Variants in SLC26A2 observed in about 807,000 individuals in gnomAD.
SLC26A2 encodes the protein solute carrier family 26 member 2.
In SLC26A2, 36 loss-of-function variants were observed where a neutral mutation model predicts 41.1. The ratio of observed to expected loss-of-function variants is 0.88; its 90% CI spans 0.67 to 1.16. The LOEUF (loss-of-function observed/expected upper bound fraction) is 1.16, where lower values mean the gene tolerates loss of function less well. Among genes scored for constraint, SLC26A2 ranks in the 50% most tolerant of loss-of-function variants. SLC26A2 has a pLI of 0.00. For synonymous variants in SLC26A2, 291 were observed against 311.6 expected, an observed-to-expected ratio of 0.93 and a Z score of 0.70; for missense variants, 796 against 869.6, an observed-to-expected ratio of 0.92 and a Z score of 1.07.
Position 149,981,241 on chromosome 5 carries a change from A to C in SLC26A2, c.1648A>C (p.Lys550Gln). The C allele has an allele frequency of 1.2e-6, 2 of 1,614,150 alleles. No individual in the cohort carries two copies. Among genetic ancestry groups the C allele is most frequent in the Non-Finnish European group, 1.7e-6 (2 of 1,180,012 alleles). Reference protein sequence around the residue: ...FCVILRTQKPKSSLLGLVEES... With the variant: ...FCVILRTQKPQSSLLGLVEES... ...TGTCATCCTCCGCACTCAGAAGCCA[A>C]AGAGTTCACTGCTTGGCTTGGTGGA... Residue 550 changes from lysine (K) to glutamine (Q), a missense_variant, in exon 3 of 3, where the codon AAG becomes CAG. Transcript: ENST00000286298.
intron 1 of SLC26A2, among the ~76,000 whole-genome samples, chr5:149,974,633 C>G (rs1324527866): frequency 6.6e-6 from 1 of 151,206 alleles, no homozygotes; most frequent in Non-Finnish European, 1.5e-5. Flanking sequence ...CCATGTTGGC[C>G]AGGATGGTCT....
At position 149,984,654 on chromosome 5, in the gene SLC26A2, C is replaced by T. The variant is rs1223223325; in HGVS notation, c.*2841C>T. On this transcript the variant is annotated 3_prime_UTR_variant, in exon 3 of 3. Transcript: ENST00000286298. ...CCAGCCTGGGTGACAGAGCGAGACT[C>T]CGTCTCAAACAAACAAACAAAAAAC... The T allele has an allele frequency of 6.6e-6, 1 of 152,236 alleles. No individual in the cohort carries two copies. The highest frequency in any genetic ancestry group is 1.9e-4 in the East Asian group (1 of 5,196). 9.4% of individuals were successfully genotyped at this position (152,236 alleles called of 1,614,324 possible).
In SLC26A2 at chr5:149,983,944, G is replaced by A. The variant is rs1007277394; in HGVS notation, c.*2131G>A. 6.6e-6 allele frequency: 1 copy of A among 152,166 alleles called. No homozygotes were observed. The allele number at this position is 152,166 out of a possible 1,614,324, so 9.4% of individuals were successfully genotyped here. ...GGCTTAAGTTGAGACTATTATAGGT[G>A]TCTAATAACCTGTGACAGAGTAATG... is the stretch of plus-strand genomic sequence containing the variant. On this transcript the variant is annotated 3_prime_UTR_variant, in exon 3 of 3. Coordinates refer to ENST00000286298, the MANE Select transcript of SLC26A2 (RefSeq NM_000112.4).
rs374692915 is a variant in SLC26A2, at chr5:149,981,722, A to G, written c.2129A>G (p.Tyr710Cys). ...CKKEEENLLF[Y>C]SVYEAMAFAE... ...AAGGAAGAAGAAAACCTTCTCTTCT[A>G]TAGTGTGTATGAAGCGATGGCTTTT... The change falls in exon 3 of 3, where the codon TAT becomes TGT. Residue 710 changes from tyrosine to cysteine, a missense_variant. Physicochemically the swap from Tyr to Cys is radical, Grantham distance 194. Coordinates refer to ENST00000286298, the MANE Select transcript of SLC26A2 (RefSeq NM_000112.4). 111 of 1,611,518 alleles carry G rather than the reference A, an allele frequency of 6.9e-5. No individual in the cohort carries two copies. The highest frequency in any genetic ancestry group is 9.0e-5 in the Non-Finnish European group (106 of 1,179,104).
At position 149,986,820 on chromosome 5, in the gene SLC26A2, C is replaced by G. The variant is rs1047953800; in HGVS notation, c.*5007C>G. ...ACTTATTTTGGAGATGTTCTCTTCC[C>G]TTATCTCATGCGTCATCCCTAAAAT... On this transcript the variant is annotated 3_prime_UTR_variant, in exon 3 of 3. Coordinates refer to ENST00000286298, the MANE Select transcript of SLC26A2 (RefSeq NM_000112.4). 5 of 152,164 alleles carry G rather than the reference C, an allele frequency of 3.3e-5. No individual in the cohort carries two copies. Among genetic ancestry groups the G allele is most frequent in the African/African-American group, 1.2e-4 (5 of 41,432 alleles). 9.4% of individuals were successfully genotyped at this position (152,164 alleles called of 1,614,324 possible).
At chr5:149,968,294 A>G (rs1181014928) in intron 1 of SLC26A2, among the ~76,000 whole-genome samples, 1 of 152,188 alleles carries the variant, frequency 6.6e-6, no homozygotes, top group Non-Finnish European at 1.5e-5. Context: ...TTACTAGGTC[A>G]TATAGCAGTG....
chr5:149,978,071 G>T lies in SLC26A2; in HGVS notation c.419G>T (p.Gly140Val). 6.2e-7 allele frequency: 1 copy of T among 1,610,154 alleles called. No individual in the cohort carries two copies. Among genetic ancestry groups the T allele is most frequent in the Non-Finnish European group, 8.5e-7 (1 of 1,177,844 alleles). The change falls in exon 2 of 3, where the codon GGT (glycine) becomes GTT (valine). Residue 140 changes from glycine to valine, a missense_variant. Gly to Val is a moderately radical substitution (Grantham distance 109, BLOSUM62 -3). Transcript: ENST00000286298. Reference protein sequence around the residue: ...SLLAGQEPVYGLYTSFFASII... With the variant: ...SLLAGQEPVYVLYTSFFASII... ...CTGGCTGGCCAAGAACCTGTCTATG[G>T]TCTGTACACATCTTTTTTTGCCAGC...
At chr5:149,966,211 C>CT (rs1754802817) in intron 1 of SLC26A2, among the ~76,000 whole-genome samples, 1 of 152,196 alleles carries the variant, frequency 6.6e-6, no homozygotes, top group Non-Finnish European at 1.5e-5. Flanking sequence ...CAGCTGAACT[C>CT]TTATTTCTTA....
chr5:149,975,018 A>T (rs1051518371), intron 1 of SLC26A2, among the ~76,000 whole-genome samples: 2 of 151,976 alleles, frequency 1.3e-5, no homozygotes, highest in African/African-American at 4.8e-5. Context: ...CTTGGCCATT[A>T]TATCTTGAAA....
chr5:149,971,788 T>C (rs1225138898), intron 1 of SLC26A2, among the ~76,000 whole-genome samples: 2 of 152,238 alleles, frequency 1.3e-5, no homozygotes, highest in Non-Finnish European at 2.9e-5. Context: ...GGAAAAAGAA[T>C]GAAATAATAT....
Position 149,978,301 on chromosome 5 carries a change from T to A in SLC26A2, c.649T>A (p.Tyr217Asn). The change falls in exon 2 of 3, where the codon TAT (tyrosine) becomes AAT (asparagine). Residue 217 changes from tyrosine (Y) to asparagine (N), a missense_variant. Transcript: ENST00000286298. ...TSDRICDKSC[Y>N]AIMVGSTVTF... The stretch of plus-strand genomic sequence containing the variant: ...AGACAGGATATGTGACAAAAGTTGC[T>A]ATGCAATTATGGTTGGCAGCACTGT... 1 of 1,614,004 alleles carries A rather than the reference T, an allele frequency of 6.2e-7. No individual in the cohort carries two copies. Among genetic ancestry groups the A allele is most frequent in the African/African-American group, 1.3e-5 (1 of 75,052 alleles).
intron 1 of SLC26A2, among the ~76,000 whole-genome samples, chr5:149,972,387 T>G (rs1754919219): frequency 6.6e-6 from 1 of 152,154 alleles, no homozygotes; most frequent in African/African-American, 2.4e-5. Flanking sequence ...GCCATGAATG[T>G]AGAGAAAGGG....
chr5:149,978,904 G>C (rs1296367495), intron 2 of SLC26A2, among the ~76,000 whole-genome samples: 1 of 151,318 alleles, frequency 6.6e-6, no homozygotes, highest in Non-Finnish European at 1.5e-5. Context: ...TTTTTGTAGA[G>C]ACAGGGTTTT....
chr5:149,968,396 C>G (rs1754842222), intron 1 of SLC26A2, among the ~76,000 whole-genome samples: 1 of 151,846 alleles, frequency 6.6e-6, no homozygotes, highest in Non-Finnish European at 1.5e-5. Context: ...AATGTATCAG[C>G]TGTTTTTTTT....
At chr5:149,978,383 A>G in intron 2 of SLC26A2, 32 bp downstream of exon 2, 2 of 1,492,256 alleles carry the variant, frequency 1.3e-6, no homozygotes, top group Non-Finnish European at 1.9e-6. Context: ...GGTTATTTCT[A>G]GAAAAGTAAT....
rs1253691463 is a variant in SLC26A2 at position 149,981,515 on chromosome 5, A to G, written c.1922A>G (p.His641Arg). 1.8e-5 allele frequency: 29 copies of G among 1,614,182 alleles called. No homozygotes were observed. Among genetic ancestry groups the G allele is most frequent in the Non-Finnish European group, 2.3e-5 (27 of 1,180,010 alleles). Residue 641 changes from histidine (H) to arginine (R), a missense_variant, in exon 3 of 3, where the codon CAT becomes CGT. Transcript: ENST00000286298. ...IQDEMSVQLSHDPLELHTIVI... is the reference protein window; with the variant it reads ...IQDEMSVQLSRDPLELHTIVI... Reference sequence around the variant, plus strand: ...GATGAAATGTCAGTGCAACTTTCCCATGATCCCTTGGAGCTGCATACTATA... The same window carrying G: ...GATGAAATGTCAGTGCAACTTTCCCGTGATCCCTTGGAGCTGCATACTATA...
intron 2 of SLC26A2, among the ~76,000 whole-genome samples, chr5:149,979,475 C>T (rs1249870688): frequency 6.6e-6 from 1 of 151,718 alleles, no homozygotes; most frequent in Non-Finnish European, 1.5e-5. Flanking sequence ...AACTCCTGGG[C>T]TCAAGTGATC....
intron 1 of SLC26A2, among the ~76,000 whole-genome samples, chr5:149,976,756 G>A (rs932224357): frequency 6.6e-6 from 1 of 152,166 alleles, no homozygotes; most frequent in Non-Finnish European, 1.5e-5. Context: ...AGGATCACCT[G>A]TATTGCCTCC....
At chr5:149,980,232 A>G (rs969640439) in intron 2 of SLC26A2, 61 bp from the exon 3 acceptor site, 3 of 1,302,706 alleles carry the variant, frequency 2.3e-6, no homozygotes, top group Non-Finnish European at 3.3e-6. Flanking sequence ...ATGTCAGGAT[A>G]ATATAAAATT....
Sources: allele counts gnomAD v4.1 joint callset (sites outside exome capture counted in the v4.1 genomes callset), GRCh38; gene constraint gnomAD v4.1.1; transcripts MANE v1.5; gene names NCBI Gene and HGNC (gene_info 2026-07-23, HGNC 2026-07-21).